The following CFAP54 variants were observed in gnomAD, a reference collection of about 807,000 sequenced individuals.
CFAP54 encodes cilia and flagella associated protein 54.
CFAP54 carries 290 observed loss-of-function variants against 370.4 expected under a neutral mutation model. The observed-to-expected ratio is 0.78, with a 90% CI of 0.71 to 0.86. The LOEUF (loss-of-function observed/expected upper bound fraction) is 0.86, where lower values mean the gene tolerates loss of function less well. Among genes scored for constraint, CFAP54 ranks in the 40% least tolerant of loss-of-function variants. The pLI, the probability that CFAP54 is intolerant of heterozygous loss-of-function variation, is 0.00. For missense variants in CFAP54, 3,399 were observed against 3,528.7 expected, an observed-to-expected ratio of 0.96 and a Z score of 0.93; for synonymous variants, 1,206 against 1,236.5, an observed-to-expected ratio of 0.98 and a Z score of 0.52.
In CFAP54 at chr12:96,693,809, G is replaced by T. The variant is rs766488923; in HGVS notation, c.6351+1G>T. On this transcript the variant is annotated splice_donor_variant, in intron 45 of 67. Coordinates refer to ENST00000524981, the MANE Select transcript of CFAP54 (RefSeq NM_001306084.2). LOFTEE classifies it high-confidence loss of function. ...AAATCTAGAAGCAAGAATCCTCAAG[G>T]TATGTTACAAGCTTTTAAGACATTT... 1.9e-6 allele frequency: 3 copies of T among 1,548,316 alleles called. No homozygotes were observed. Among genetic ancestry groups the T allele is most frequent in the Non-Finnish European group, 2.7e-6 (3 of 1,125,730 alleles).
chr12:96,750,543 T>C (rs999502101), intron 55 of CFAP54, among the ~76,000 whole-genome samples: 1 of 152,260 alleles, frequency 6.6e-6, no homozygotes, highest in African/African-American at 2.4e-5. Flanking sequence ...GCTGACTTAA[T>C]TGGCCTCTTG....
intron 58 of CFAP54, among the ~76,000 whole-genome samples, chr12:96,758,006 A>T (rs1185095222): frequency 6.6e-6 from 1 of 152,194 alleles, no homozygotes; most frequent in Non-Finnish European, 1.5e-5. Context: ...CTATAAACAG[A>T]TTACCTCTTG....
chr12:96,681,669 G>A (rs893084287), intron 40 of CFAP54, among the ~76,000 whole-genome samples: 4 of 151,816 alleles, frequency 2.6e-5, no homozygotes, highest in South Asian at 2.1e-4. Context: ...GGGTTCAAGC[G>A]ATTCTCCTGC....
chr12:96,547,596 G>C (rs1592844836), intron 14 of CFAP54, among the ~76,000 whole-genome samples: 1 of 152,132 alleles, frequency 6.6e-6, no homozygotes, highest in East Asian at 1.9e-4. Flanking sequence ...CCTTACAGAA[G>C]AAAATATTTA....
intron 48 of CFAP54, among the ~76,000 whole-genome samples, chr12:96,717,197 C>T (rs1043733838): frequency 1.4e-4 from 22 of 152,144 alleles, no homozygotes; most frequent in Admixed American, 5.9e-4. Flanking sequence ...AACATGCATT[C>T]CAGGCTTCTT....
chr12:96,713,831 C>T (rs1327086408), intron 48 of CFAP54, among the ~76,000 whole-genome samples: 1 of 151,932 alleles, frequency 6.6e-6, no homozygotes, highest in Admixed American at 6.6e-5. Context: ...GAACAAATAC[C>T]GAGACCCTGA....
intron 66 of CFAP54, among the ~76,000 whole-genome samples, chr12:96,839,813 G>A (rs1254227150): frequency 6.6e-6 from 1 of 152,176 alleles, no homozygotes; most frequent in Non-Finnish European, 1.5e-5. Context: ...ATCAGCTGTT[G>A]GTTGTTGGCT....
chr12:96,773,960 T>C (rs1206953294), intron 60 of CFAP54, among the ~76,000 whole-genome samples: 1 of 152,212 alleles, frequency 6.6e-6, no homozygotes, highest in Non-Finnish European at 1.5e-5. Flanking sequence ...TGCCACTTTG[T>C]ACTCCTGTCA....
At chr12:96,825,419 C>CATGTTATATATAATAT in intron 65 of CFAP54, among the ~76,000 whole-genome samples, 1 of 98,392 alleles carries the variant, frequency 1.0e-5, no homozygotes, top group Non-Finnish European at 1.9e-5. Flanking sequence ...TAATATGTAA[C>CATGTTATATATAATAT]ATGTTATATT....
chr12:96,764,319 A>G (rs138063875), intron 59 of CFAP54, 70 bp downstream of exon 59: 2 of 1,153,832 alleles, frequency 1.7e-6, no homozygotes, highest in Non-Finnish European at 2.5e-6. Flanking sequence ...AAAGAACACA[A>G]TATACCTGTA....
intron 42 of CFAP54, among the ~76,000 whole-genome samples, chr12:96,688,445 A>G (rs538903852): frequency 2.0e-5 from 3 of 152,222 alleles, no homozygotes; most frequent in African/African-American, 7.2e-5. Context: ...CAATAGGATA[A>G]GTGCTCAAAA....
At chr12:96,534,277 C>G (rs1236503289) in intron 11 of CFAP54, 50 bp downstream of exon 11, 31 of 1,030,058 alleles carry the variant, frequency 3.0e-5, no homozygotes, top group Non-Finnish European at 3.9e-5. Context: ...GAAATATGCT[C>G]TTTTATAGAT....
intron 22 of CFAP54, among the ~76,000 whole-genome samples, chr12:96,582,197 G>A (rs530540361): frequency 6.6e-6 from 1 of 152,264 alleles, no homozygotes; most frequent in African/African-American, 2.4e-5. Flanking sequence ...TTATCACACA[G>A]TAGGCATTGA....
At chr12:96,815,501 G>GGTT (rs1376686564) in intron 64 of CFAP54, among the ~76,000 whole-genome samples, 5 of 152,034 alleles carry the variant, frequency 3.3e-5, no homozygotes, top group South Asian at 2.1e-4. Flanking sequence ...CCGCTCTGTA[G>GGTT]GTTGCCTGTT....
intron 11 of CFAP54, among the ~76,000 whole-genome samples, chr12:96,534,678 T>A (rs10860049): frequency 0.11 from 17,256 of 152,130 alleles, 1,574 homozygotes; most frequent in East Asian, 0.45. Context: ...AAAGTTATTG[T>A]GTGTATAATT....
chr12:96,856,810 CA>C (rs1038117243), intron 66 of CFAP54, among the ~76,000 whole-genome samples: 1 of 152,190 alleles, frequency 6.6e-6, no homozygotes, highest in African/African-American at 2.4e-5. Context: ...TACTCACTTC[CA>C]AAGTCATTTC....
chr12:96,657,512 G>A (rs561563714), intron 36 of CFAP54, among the ~76,000 whole-genome samples: 16 of 152,152 alleles, frequency 1.1e-4, no homozygotes, highest in Non-Finnish European at 2.4e-4. Context: ...ACAGTAATCT[G>A]TGTTGTCCAA....
At chr12:96,766,320 A>G (rs1037090889) in intron 60 of CFAP54, among the ~76,000 whole-genome samples, 2 of 151,740 alleles carry the variant, frequency 1.3e-5, no homozygotes, top group African/African-American at 4.8e-5. Context: ...ATTTTGCTTT[A>G]TTGGCTTTCT....
intron 66 of CFAP54, among the ~76,000 whole-genome samples, chr12:96,845,794 T>A (rs1959326302): frequency 6.6e-6 from 1 of 152,124 alleles, no homozygotes; most frequent in East Asian, 1.9e-4. Context: ...AAAATGAAGA[T>A]CCCTGACTGG....
Sources: allele counts gnomAD v4.1 joint callset (sites outside exome capture counted in the v4.1 genomes callset), GRCh38; gene constraint gnomAD v4.1.1; transcripts MANE v1.5; gene names NCBI Gene and HGNC (gene_info 2026-07-23, HGNC 2026-07-21).